NKAIN3: variants seen among roughly 807,000 people sequenced by gnomAD.
NKAIN3 encodes sodium/potassium-transporting ATPase subunit beta-1-interacting protein 3.
NKAIN3 carries 25 observed loss-of-function variants against 30.2 expected under a neutral mutation model. That is an observed-to-expected ratio of 0.83 (90% confidence interval 0.60 to 1.16). The LOEUF (loss-of-function observed/expected upper bound fraction) is 1.16, where lower values mean the gene tolerates loss of function less well. Ranked by LOEUF, NKAIN3 falls within the 50% of genes most tolerant of loss-of-function variation. NKAIN3 has a pLI of 0.00. For synonymous variants in NKAIN3, 91 were observed against 89.6 expected (o/e 1.02, Z -0.09); for missense variants, 225 against 254.1 (o/e 0.89, Z 0.78).
At position 62,971,679 on chromosome 8, in the gene NKAIN3, A is replaced by G. The variant is rs144920730; in HGVS notation, c.*6272A>G. Among the ~76,000 whole-genome samples, 282 of 152,286 alleles carry G rather than the reference A, an allele frequency of 1.9e-3. 1 individual carries two copies. The highest frequency in any genetic ancestry group is 6.4e-3 in the African/African-American group (264 of 41,558). On this transcript the variant is annotated 3_prime_UTR_variant, in exon 7 of 7. Transcript: ENST00000623646. ...TCATTTATTAGTAAGAAGGAAAAATATTTATAAAATCATACTTAGCAGTTT... is the reference window on the plus strand; with the variant it reads ...TCATTTATTAGTAAGAAGGAAAAATGTTTATAAAATCATACTTAGCAGTTT...
At chr8:62,493,389 G>A (rs1318748526) in intron 1 of NKAIN3, among the ~76,000 whole-genome samples, 3 of 152,114 alleles carry the variant, frequency 2.0e-5, no homozygotes, top group East Asian at 3.9e-4. Context: ...CTATGTGTCT[G>A]TTTTTATACC....
chr8:62,390,278 T>C (rs936486326), intron 1 of NKAIN3, among the ~76,000 whole-genome samples: 1 of 152,168 alleles, frequency 6.6e-6, no homozygotes, highest in Non-Finnish European at 1.5e-5. Flanking sequence ...CTCCCATTTA[T>C]AAGTGAGAAT....
intron 1 of NKAIN3, among the ~76,000 whole-genome samples, chr8:62,304,826 C>T (rs1437508994): frequency 6.7e-6 from 1 of 149,838 alleles, no homozygotes; most frequent in African/African-American, 2.5e-5. Context: ...TTCGGCATGA[C>T]GTTCATAGGC....
At chr8:62,477,207 G>A (rs1030929962) in intron 1 of NKAIN3, among the ~76,000 whole-genome samples, 1 of 152,194 alleles carries the variant, frequency 6.6e-6, no homozygotes, top group Non-Finnish European at 1.5e-5. Context: ...CTCCTTGCAG[G>A]AATGAGGGCA....
intron 3 of NKAIN3, among the ~76,000 whole-genome samples, chr8:62,734,941 T>C (rs1407429189): frequency 1.3e-5 from 2 of 152,236 alleles, no homozygotes; most frequent in African/African-American, 4.8e-5. Context: ...CAATCCCTTC[T>C]GGCTTGTGCG....
chr8:62,646,718 GATA>G (rs1812470962), intron 3 of NKAIN3, among the ~76,000 whole-genome samples: 2 of 152,014 alleles, frequency 1.3e-5, no homozygotes, highest in Non-Finnish European at 2.9e-5. Context: ...CTATTCAACA[GATA>G]ATAAGTTGTA....
At position 62,714,664 on chromosome 8, in the gene NKAIN3, A is replaced by T. The variant is rs111669466; in HGVS notation, c.274-32268A>T. Among the ~76,000 whole-genome samples, 487 of 152,348 alleles carry T rather than the reference A, an allele frequency of 3.2e-3. 4 individuals carry two copies. Among genetic ancestry groups the T allele is most frequent in the African/African-American group, 0.011 (448 of 41,580 alleles). ...AATGAATACAAGCTATGTTTAGGGC[A>T]CTGTTCTAAGTGTTTCATGTGTATT... is the stretch of plus-strand genomic sequence containing the variant. On this transcript the variant is annotated intron_variant, in intron 3 of 6. Coordinates refer to ENST00000623646, the MANE Select transcript of NKAIN3 (RefSeq NM_001304533.3).
intron 1 of NKAIN3, among the ~76,000 whole-genome samples, chr8:62,365,691 T>A (rs948598731): frequency 6.6e-6 from 1 of 152,200 alleles, no homozygotes; most frequent in African/African-American, 2.4e-5. Context: ...CTTCACTAAG[T>A]CTGGAGCTTT....
At chr8:62,735,601 G>T (rs934157968) in intron 3 of NKAIN3, among the ~76,000 whole-genome samples, 1 of 151,872 alleles carries the variant, frequency 6.6e-6, no homozygotes, top group African/African-American at 2.4e-5. Flanking sequence ...TTGGTGCCTC[G>T]TTAAGTACCT....
chr8:62,852,219 C>T (rs1376886384), intron 4 of NKAIN3, among the ~76,000 whole-genome samples: 1 of 152,136 alleles, frequency 6.6e-6, no homozygotes, highest in African/African-American at 2.4e-5. Context: ...TCCATTTCTT[C>T]TAGATTTTCT....
chr8:62,920,415 T>C (rs1822245208), intron 5 of NKAIN3, among the ~76,000 whole-genome samples: 1 of 152,154 alleles, frequency 6.6e-6, no homozygotes, highest in Non-Finnish European at 1.5e-5. Flanking sequence ...GCAATAAATA[T>C]ACAACAGTCT....
intron 5 of NKAIN3, among the ~76,000 whole-genome samples, chr8:62,946,250 C>A (rs762317278): frequency 6.6e-6 from 1 of 152,162 alleles, no homozygotes; most frequent in South Asian, 2.1e-4. Flanking sequence ...CCCCAACCAC[C>A]CCCGGGACAT....
At chr8:62,607,344 C>G (rs1178731691) in intron 3 of NKAIN3, among the ~76,000 whole-genome samples, 1 of 152,120 alleles carries the variant, frequency 6.6e-6, no homozygotes, top group Non-Finnish European at 1.5e-5. Context: ...TGAATGCACA[C>G]CCCCTGCTGG....
chr8:62,507,802 C>T (rs1476504453), intron 1 of NKAIN3, among the ~76,000 whole-genome samples: 6 of 152,220 alleles, frequency 3.9e-5, no homozygotes, highest in African/African-American at 1.2e-4. Flanking sequence ...TGCTTGTACT[C>T]GGCTCCCGAC....
chr8:62,756,306 T>G (rs970644704), intron 4 of NKAIN3, among the ~76,000 whole-genome samples: 46 of 152,172 alleles, frequency 3.0e-4, no homozygotes, highest in African/African-American at 1.1e-3. Context: ...TAGACTTGCC[T>G]CTACTGGATA....
intron 4 of NKAIN3, among the ~76,000 whole-genome samples, chr8:62,803,608 C>T (rs1318770695): frequency 6.6e-6 from 1 of 151,984 alleles, no homozygotes; most frequent in Non-Finnish European, 1.5e-5. Context: ...GGGACACATT[C>T]AAAGCAGTGT....
chr8:62,338,071 C>G (rs887778350), intron 1 of NKAIN3, among the ~76,000 whole-genome samples: 1 of 151,912 alleles, frequency 6.6e-6, no homozygotes, highest in African/African-American at 2.4e-5. Context: ...TATTTATTAT[C>G]TGCCAATGAT....
intron 3 of NKAIN3, among the ~76,000 whole-genome samples, chr8:62,640,684 C>CAG: frequency 6.6e-6 from 1 of 152,034 alleles, no homozygotes; most frequent in Admixed American, 6.6e-5. Context: ...TTCCTCTGCG[C>CAG]GCACCCAGCC....
At chr8:62,728,119 A>AATC (rs1472379574) in intron 3 of NKAIN3, among the ~76,000 whole-genome samples, 1 of 152,196 alleles carries the variant, frequency 6.6e-6, no homozygotes, top group African/African-American at 2.4e-5. Context: ...AAATAACAAT[A>AATC]ATCTAGACAT....
Sources: gnomAD v4.1 joint callset for allele counts (sites outside exome capture counted in the v4.1 genomes callset) on GRCh38, gnomAD v4.1.1 for gene constraint, MANE v1.5 for transcripts, NCBI Gene and HGNC (gene_info 2026-07-23, HGNC 2026-07-21) for gene names.